NELL1: variants seen among roughly 807,000 people sequenced by gnomAD.
NELL1 encodes protein kinase C-binding protein NELL1.
Under a neutral mutation model 107.4 loss-of-function variants are expected in NELL1, and 76 were observed. That is an observed-to-expected ratio of 0.71 (90% CI 0.59 to 0.86). The LOEUF (loss-of-function observed/expected upper bound fraction) is 0.86, where lower values mean the gene tolerates loss of function less well. NELL1 is among the 40% of genes least tolerant of loss of function. NELL1 has a pLI of 0.00. For synonymous variants in NELL1, 353 were observed against 341.2 expected (o/e 1.03, Z -0.38); for missense variants, 1,024 against 1,005.5 (o/e 1.02, Z -0.25).
intron 12 of NELL1, among the ~76,000 whole-genome samples, chr11:21,045,217 G>T (rs1441218628): frequency 2.0e-5 from 3 of 152,102 alleles, no homozygotes; most frequent in Admixed American, 1.3e-4. Flanking sequence ...GAGCCTAAGA[G>T]ATAGTATTTT....
rs896616381 is a variant in NELL1, at chr11:21,182,293, A to T, written c.1427-47039A>T. On this transcript the variant is annotated intron_variant, in intron 13 of 19. Transcript: ENST00000357134. ...TACTAAAAATACAAAAATTAGCCGG[A>T]TGTGGTGTCAGGTGTCTGTAATCTC... Among the ~76,000 whole-genome samples the T allele has an allele frequency of 6.6e-5, 10 of 151,746 alleles. 2 individuals carry two copies. Among genetic ancestry groups the T allele is most frequent in the African/African-American group, 2.4e-4 (10 of 41,160 alleles).
At chr11:21,281,322 G>A (rs1041380827) in intron 14 of NELL1, among the ~76,000 whole-genome samples, 1 of 152,036 alleles carries the variant, frequency 6.6e-6, no homozygotes, top group Non-Finnish European at 1.5e-5. Flanking sequence ...TCCTCTGCCT[G>A]TGGAAACGGG....
At chr11:20,980,486 C>A (rs546006171) in intron 12 of NELL1, among the ~76,000 whole-genome samples, 8 of 152,258 alleles carry the variant, frequency 5.3e-5, no homozygotes, top group Admixed American at 2.6e-4. Flanking sequence ...TCTTCTGGAC[C>A]TAGAGTCAGA....
intron 16 of NELL1, among the ~76,000 whole-genome samples, chr11:21,553,795 G>T (rs1856644494): frequency 6.6e-6 from 1 of 151,958 alleles, no homozygotes; most frequent in African/African-American, 2.4e-5. Context: ...AAGATAGAAT[G>T]CTTACAGCTA....
At chr11:21,248,403 G>A (rs1279945111) in intron 14 of NELL1, among the ~76,000 whole-genome samples, 1 of 152,038 alleles carries the variant, frequency 6.6e-6, no homozygotes, top group African/African-American at 2.4e-5. Context: ...AAGCAGGAGA[G>A]AGGAAGTGCA....
At chr11:20,939,496 G>A (rs911160314) in intron 10 of NELL1, among the ~76,000 whole-genome samples, 1 of 152,066 alleles carries the variant, frequency 6.6e-6, no homozygotes, top group Non-Finnish European at 1.5e-5. Flanking sequence ...CTACTGTCCT[G>A]GAGTCACTTA....
chr11:21,095,450 T>G (rs1854618796), intron 12 of NELL1, among the ~76,000 whole-genome samples: 2 of 152,186 alleles, frequency 1.3e-5, no homozygotes. Context: ...CCCACTCTAC[T>G]GGTACCATTT....
chr11:20,726,995 A>G (rs1157923296), intron 2 of NELL1, among the ~76,000 whole-genome samples: 1 of 152,150 alleles, frequency 6.6e-6, no homozygotes, highest in African/African-American at 2.4e-5. Flanking sequence ...CCAGTCTATC[A>G]TTGATGGACA....
At chr11:20,897,214 G>C (rs1849760964) in intron 5 of NELL1, among the ~76,000 whole-genome samples, 1 of 152,124 alleles carries the variant, frequency 6.6e-6, no homozygotes, top group Admixed American at 6.5e-5. Context: ...CCAAAACAGA[G>C]ATATAGACTA....
chr11:21,071,235 T>C (rs1185893803), intron 12 of NELL1, among the ~76,000 whole-genome samples: 2 of 152,170 alleles, frequency 1.3e-5, no homozygotes, highest in Admixed American at 1.3e-4. Flanking sequence ...AATAAATTAA[T>C]AAGCCAGAAT....
intron 15 of NELL1, among the ~76,000 whole-genome samples, chr11:21,437,718 T>G (rs2133841620): frequency 6.6e-6 from 1 of 152,356 alleles, no homozygotes. Flanking sequence ...TAAAATTGTT[T>G]TTTATGCATG....
chr11:21,511,623 C>G (rs372471677), intron 15 of NELL1, among the ~76,000 whole-genome samples: 1 of 151,940 alleles, frequency 6.6e-6, no homozygotes, highest in African/African-American at 2.4e-5. Flanking sequence ...AAATGGTGGT[C>G]AAAGAAAATT....
chr11:21,192,796 A>G (rs1857074973), intron 13 of NELL1, among the ~76,000 whole-genome samples: 1 of 151,854 alleles, frequency 6.6e-6, no homozygotes, highest in Non-Finnish European at 1.5e-5. Flanking sequence ...TGGGCATACA[A>G]TTAGTCTAGT....
In NELL1 at chr11:21,364,410, CAAAAAAAAAAA is replaced by C. The variant is rs71034511; in HGVS notation, c.1550-6426_1550-6416del. Among the ~76,000 whole-genome samples, 47 of 75,608 alleles carry C rather than the reference CAAAAAAAAAAA, an allele frequency of 6.2e-4. 1 individual carries two copies. The highest frequency in any genetic ancestry group is 9.2e-4 in the Non-Finnish European group (42 of 45,552). 49.6% of individuals were successfully genotyped at this position (75,608 alleles called of 152,430 possible). On this transcript the variant is annotated intron_variant, in intron 14 of 19. Coordinates refer to ENST00000357134, the MANE Select transcript of NELL1 (RefSeq NM_006157.5). ...TGGGAGACACAGCAAGACTCTGTCTCAAAAAAAAAAAAAAAAAAAAAAAAAAAGACTTCATT... is the reference window on the plus strand; with the variant it reads ...TGGGAGACACAGCAAGACTCTGTCTCAAAAAAAAAAAAAAAAGACTTCATT...
At chr11:21,186,418 A>G (rs1252442766) in intron 13 of NELL1, among the ~76,000 whole-genome samples, 1 of 151,880 alleles carries the variant, frequency 6.6e-6, no homozygotes, top group Non-Finnish European at 1.5e-5. Context: ...TTTTACCCAG[A>G]CTCAGAATCC....
At chr11:20,852,400 A>T (rs1021632552) in intron 4 of NELL1, among the ~76,000 whole-genome samples, 1 of 152,230 alleles carries the variant, frequency 6.6e-6, no homozygotes, top group African/African-American at 2.4e-5. Flanking sequence ...TGAGTCAGTA[A>T]TTTAAGGTTT....
intron 11 of NELL1, among the ~76,000 whole-genome samples, chr11:20,957,738 TA>T (rs1182505237): frequency 1.1e-4 from 17 of 151,850 alleles, no homozygotes; most frequent in African/African-American, 4.1e-4. Flanking sequence ...ATTCTAAAAA[TA>T]AAAATACAGT....
Position 20,669,603 on chromosome 11 carries a change from C to T in NELL1, c.-121C>T, listed in dbSNP as rs1489513082. On this transcript the variant is annotated 5_prime_UTR_variant, in exon 1 of 20. Coordinates refer to ENST00000357134, the MANE Select transcript of NELL1 (RefSeq NM_006157.5). The surrounding 1 kb of genome is among the most constrained non-coding windows in gnomAD (Gnocchi z 4.4). ...AGCGCAGCACCCGGCGCTGCCGAGC[C>T]ACCTCCCCCGCCGCCCGCTAGCAAG... 4 of 788,710 alleles carry T rather than the reference C, an allele frequency of 5.1e-6. No individual in the cohort carries two copies. Among genetic ancestry groups the T allele is most frequent in the Non-Finnish European group, 8.3e-6 (4 of 479,706 alleles). The allele number at this position is 788,710 out of a possible 1,614,324, so 48.9% of individuals were successfully genotyped here. A position where few individuals can be genotyped will look rare whatever the true frequency, so the allele number is the denominator to read the frequency against.
At chr11:20,741,441 A>G (rs933866451) in intron 2 of NELL1, among the ~76,000 whole-genome samples, 1 of 152,166 alleles carries the variant, frequency 6.6e-6, no homozygotes, top group African/African-American at 2.4e-5. Context: ...ACATTTTTCC[A>G]TTGTGATTAA....
Sources: gnomAD v4.1 joint callset for allele counts (sites outside exome capture counted in the v4.1 genomes callset) on GRCh38, gnomAD v4.1.1 for gene constraint, Gnocchi (gnomAD v3.1) non-coding constraint, MANE v1.5 for transcripts, NCBI Gene and HGNC (gene_info 2026-07-23, HGNC 2026-07-21) for gene names.